The following MYO19 variants were observed in gnomAD, a reference collection of about 807,000 sequenced individuals.
The protein encoded by MYO19 is myosin XIX.
In MYO19, 132 loss-of-function variants were observed where a neutral mutation model predicts 129.2. The observed-to-expected ratio is 1.02, with a 90% CI of 0.89 to 1.18. The LOEUF (loss-of-function observed/expected upper bound fraction) is 1.18. Ranked by LOEUF, MYO19 falls within the 50% of genes most tolerant of loss-of-function variation. MYO19 has a pLI of 0.00. For synonymous variants in MYO19, 531 were observed against 477.2 expected (o/e 1.11, Z -1.47); for missense variants, 1,210 against 1,216.7 (o/e 0.99, Z 0.08).
intron 11 of MYO19, chr17:36,512,682 T>A: frequency 7.8e-7 from 1 of 1,289,150 alleles, no homozygotes; most frequent in Non-Finnish European, 1.0e-6. Flanking sequence ...GCAGCCCCCA[T>A]CTGGAGGTGA....
intron 8 of MYO19, 45 bp downstream of exon 8, chr17:36,515,068 C>T (rs891714353): frequency 1.3e-6 from 2 of 1,559,162 alleles, no homozygotes; most frequent in Middle Eastern, 1.7e-4. Flanking sequence ...CTTTCAACCT[C>T]CCCAGTCCCA....
intron 13 of MYO19, chr17:36,509,344 TAC>T: frequency 1.7e-6 from 1 of 600,934 alleles, no homozygotes; most frequent in Non-Finnish European, 3.0e-6. Flanking sequence ...TGTTGCCAGG[TAC>T]ACACAAACCT....
chr17:36,513,756 A>AG, intron 9 of MYO19, 31 bp from the exon 10 acceptor site: 2 of 1,596,034 alleles, frequency 1.3e-6, no homozygotes, highest in Non-Finnish European at 1.7e-6. Context: ...GAGGCTGGGT[A>AG]GGGGGTCTGA....
At chr17:36,544,789 C>T (rs1352799552), upstream of MYO19, 1 of 153,208 alleles carries the variant, frequency 6.5e-6, no homozygotes, top group Non-Finnish European at 1.5e-5. Flanking sequence ...GCCCCGCACC[C>T]TCTGGGCGCA....
chr17:36,527,477 G>A, intron 5 of MYO19, 74 bp downstream of exon 5: 2 of 1,507,354 alleles, frequency 1.3e-6, no homozygotes, highest in Non-Finnish European at 9.0e-7. Flanking sequence ...GATGAATAAG[G>A]ACAGGGGTAA....
Position 36,516,140 on chromosome 17 carries a change from C to A in MYO19, c.415-150G>T, listed in dbSNP as rs548937770. 38 of 844,138 alleles carry A rather than the reference C, an allele frequency of 4.5e-5. No individual in the cohort carries two copies. In the South Asian group the frequency reaches 6.7e-4, roughly 15 times the overall value. 52.3% of individuals were successfully genotyped at this position (844,138 alleles called of 1,614,324 possible). On this transcript the variant is annotated intron_variant, in intron 6 of 25. Transcript: ENST00000614623. ...GGCAGAATTCAACCCTGGCCTCAGG[C>A]AAGGCACTTCCTCTACCTCTGTTTG...
upstream of MYO19, chr17:36,538,245 C>G: frequency 1.2e-6 from 2 of 1,613,224 alleles, no homozygotes. Flanking sequence ...TGCTTCTAGC[C>G]TGATCCTTCT....
At chr17:36,522,834 G>A (rs1005522972) in intron 6 of MYO19, among the ~76,000 whole-genome samples, 2 of 151,922 alleles carry the variant, frequency 1.3e-5, no homozygotes, top group South Asian at 2.1e-4. Flanking sequence ...AGTGAAACCC[G>A]TCTCTACTAA....
At chr17:36,496,614 T>G (rs981984587) in intron 25 of MYO19, among the ~76,000 whole-genome samples, 1 of 152,204 alleles carries the variant, frequency 6.6e-6, no homozygotes, top group Non-Finnish European at 1.5e-5. Context: ...GAGGAATGTC[T>G]GTCACATTCC....
intron 17 of MYO19, 149 bp from the exon 18 acceptor site, chr17:36,506,757 G>A (rs574803738): frequency 5.9e-5 from 67 of 1,127,858 alleles, no homozygotes; most frequent in Admixed American, 2.5e-4. Context: ...CAGAGACCTG[G>A]AGACCCAGTC....
chr17:36,506,733 G>T, intron 17 of MYO19, 125 bp from the exon 18 acceptor site: 1 of 1,244,254 alleles, frequency 8.0e-7, no homozygotes, highest in Non-Finnish European at 1.1e-6. Flanking sequence ...CCAAGAGAAG[G>T]TCCATTGGAC....
intron 6 of MYO19, among the ~76,000 whole-genome samples, chr17:36,519,155 T>A (rs1485796084): frequency 6.6e-6 from 1 of 152,226 alleles, no homozygotes; most frequent in Admixed American, 6.5e-5. Flanking sequence ...CCCAAAGTGC[T>A]GGGATTACAG....
intron 21 of MYO19, chr17:36,501,576 G>A: frequency 4.6e-6 from 1 of 216,226 alleles, no homozygotes; most frequent in Non-Finnish European, 9.1e-6. Flanking sequence ...ATCCCAGGCT[G>A]CTCAGCCAGC....
Position 36,525,286 on chromosome 17 carries a change from C to A in MYO19, c.356G>T (p.Ser119Ile). 6.2e-7 allele frequency: 1 copy of A among 1,613,984 alleles called. No individual in the cohort carries two copies. Among genetic ancestry groups the A allele is most frequent in the Non-Finnish European group, 8.5e-7 (1 of 1,179,870 alleles). ...AGACTGGTTGACTGGTTCAATCAGG[C>A]TCTTGACATTCCTGTAGGTCTGTTC... The part of the protein sequence containing the change: ...VGEQTYRNVK[S>I]LIEPVNQSIV... Residue 119 changes from serine to isoleucine, a missense_variant, in exon 6 of 26, where the codon AGC becomes ATC. Ser to Ile is a moderately radical substitution (Grantham distance 142). Coordinates refer to ENST00000614623, the MANE Select transcript of MYO19 (RefSeq NM_001163735.2).
At chr17:36,531,187 G>T (rs967959855) in intron 3 of MYO19, among the ~76,000 whole-genome samples, 1 of 152,048 alleles carries the variant, frequency 6.6e-6, no homozygotes, top group Admixed American at 6.5e-5. Context: ...GAGGTCAGGA[G>T]ATCGAGACCA....
intron 25 of MYO19, chr17:36,497,485 CTAAT>C (rs1412698602): frequency 1.0e-6 from 1 of 959,500 alleles, no homozygotes; most frequent in Non-Finnish European, 1.2e-6. Context: ...TGATGTGGGA[CTAAT>C]TAGATTATTT....
At chr17:36,527,916 C>G in intron 4 of MYO19, 148 bp downstream of exon 4, 1 of 1,199,482 alleles carries the variant, frequency 8.3e-7, no homozygotes, top group Non-Finnish European at 1.2e-6. Flanking sequence ...CTGTCATGCT[C>G]CCTCAGGCGG....
At chr17:36,526,731 A>G (rs573519600) in intron 5 of MYO19, among the ~76,000 whole-genome samples, 1 of 152,094 alleles carries the variant, frequency 6.6e-6, no homozygotes, top group Non-Finnish European at 1.5e-5. Context: ...TACTAAAAAT[A>G]CAAAAATTAG....
At chr17:36,517,001 G>C (rs1485336058) in intron 6 of MYO19, among the ~76,000 whole-genome samples, 1 of 151,952 alleles carries the variant, frequency 6.6e-6, no homozygotes, top group Admixed American at 6.6e-5. Flanking sequence ...CTGTGGGAGG[G>C]CTTTTAACTA....
Sources: gnomAD v4.1 joint callset for allele counts (sites outside exome capture counted in the v4.1 genomes callset) on GRCh38, gnomAD v4.1.1 for gene constraint, MANE v1.5 for transcripts, NCBI Gene and HGNC (gene_info 2026-07-23, HGNC 2026-07-21) for gene names.